Variants in IPMK observed in about 807,000 individuals in gnomAD.
IPMK encodes inositol 1,3,4,6-tetrakisphosphate 5-kinase.
IPMK carries 17 observed loss-of-function variants against 45.8 expected under a neutral mutation model. The observed-to-expected ratio is 0.37, with a 90% CI of 0.25 to 0.56. IPMK has a LOEUF of 0.56. Ranked by LOEUF, IPMK falls within the 20% of genes least tolerant of loss-of-function variation. The pLI is 0.79. For synonymous variants in IPMK, 180 were observed against 184.3 expected (o/e 0.98, Z 0.19); for missense variants, 399 against 498.0 (o/e 0.80, Z 1.89).
intron 4 of IPMK, among the ~76,000 whole-genome samples, chr10:58,206,697 G>T (rs1185600229): frequency 2.0e-5 from 3 of 152,118 alleles, no homozygotes; most frequent in African/African-American, 7.2e-5. Context: ...AAGTTCTTCA[G>T]TGGTGATTTC....
intron 5 of IPMK, among the ~76,000 whole-genome samples, chr10:58,197,727 T>C (rs1837930426): frequency 6.8e-6 from 1 of 148,058 alleles, no homozygotes; most frequent in Admixed American, 6.8e-5. Context: ...TCTTGAGCAA[T>C]TTTACAGTAA....
chr10:58,203,123 T>C (rs1472827070), intron 4 of IPMK, among the ~76,000 whole-genome samples: 3 of 151,476 alleles, frequency 2.0e-5, no homozygotes, highest in Non-Finnish European at 4.4e-5. Context: ...TTAACAGGAG[T>C]TTGGAAGAAG....
chr10:58,263,660 G>A (rs1381795052), intron 1 of IPMK, among the ~76,000 whole-genome samples: 3 of 152,148 alleles, frequency 2.0e-5, no homozygotes, highest in Non-Finnish European at 4.4e-5. Context: ...CTCCAGCCTA[G>A]GTGACACAGC....
intron 1 of IPMK, among the ~76,000 whole-genome samples, chr10:58,238,076 T>C (rs1838640839): frequency 6.6e-6 from 1 of 152,192 alleles, no homozygotes; most frequent in Non-Finnish European, 1.5e-5. Flanking sequence ...TTATAATACA[T>C]AAAACATATG....
intron 1 of IPMK, among the ~76,000 whole-genome samples, chr10:58,245,892 T>G (rs570166547): frequency 7.6e-6 from 1 of 131,494 alleles, no homozygotes; most frequent in Non-Finnish European, 1.5e-5. Flanking sequence ...CATGATTGTA[T>G]ATTTAGAAAA....
chr10:58,232,729 G>A (rs1285373408), intron 2 of IPMK, among the ~76,000 whole-genome samples: 1 of 152,122 alleles, frequency 6.6e-6, no homozygotes, highest in East Asian at 1.9e-4. Flanking sequence ...GAGAAAGCAG[G>A]AAAGATCTAA....
At chr10:58,211,901 C>CAAAAAAAAAAAAAAAAAA (rs753050298) in intron 4 of IPMK, among the ~76,000 whole-genome samples, 78 of 50,356 alleles carry the variant, frequency 1.5e-3, no homozygotes, top group African/African-American at 5.3e-3. Context: ...GACATCTCAC[C>CAAAAAAAAAAAAAAAAAA]AAAAAAAAAA....
At position 58,192,460 on chromosome 10, in the gene IPMK, TAG is replaced by T. The variant is rs996663600; in HGVS notation, c.*3614_*3615del. 3.3e-5 allele frequency: 5 copies of T among 152,036 alleles called. No individual in the cohort carries two copies. Among genetic ancestry groups the T allele is most frequent in the Non-Finnish European group, 7.4e-5 (5 of 67,918 alleles). The allele number at this position is 152,036 out of a possible 1,614,324, so 9.4% of individuals were successfully genotyped here. On this transcript the variant is annotated 3_prime_UTR_variant, in exon 6 of 6. Coordinates refer to ENST00000373935, the MANE Select transcript of IPMK (RefSeq NM_152230.5). ...TCTGTAACTAATACCCAAACTTAAA[TAG>T]AGGTTACAATACTGTAAAATATTAC...
chr10:58,205,436 A>G (rs1357430640), intron 4 of IPMK, among the ~76,000 whole-genome samples: 3 of 152,158 alleles, frequency 2.0e-5, no homozygotes, highest in African/African-American at 7.2e-5. Context: ...ATCATTAGAG[A>G]AAGGCAAATC....
intron 4 of IPMK, among the ~76,000 whole-genome samples, chr10:58,207,154 C>G (rs966085742): frequency 2.6e-5 from 4 of 152,174 alleles, no homozygotes; most frequent in Non-Finnish European, 4.4e-5. Context: ...AGGCACCCAC[C>G]ACCAAGCCTG....
rs181930991 is a variant in IPMK, at chr10:58,262,568, G to T, written c.190+4854C>A. On this transcript the variant is annotated intron_variant, in intron 1 of 5. Coordinates refer to ENST00000373935, the MANE Select transcript of IPMK (RefSeq NM_152230.5). ...GACAATACCTAGTAACACAGATCTT[G>T]GTTTCTAAATACCATTTTCCACTAA... is the stretch of plus-strand genomic sequence containing the variant. 4.6e-5 allele frequency among the ~76,000 whole-genome samples: 7 copies of T among 152,240 alleles called. No homozygotes were observed. In the East Asian group the frequency reaches 9.6e-4, roughly 21 times the overall value.
chr10:58,223,646 T>C (rs1346822263), intron 3 of IPMK, among the ~76,000 whole-genome samples: 9 of 152,194 alleles, frequency 5.9e-5, no homozygotes, highest in African/African-American at 2.4e-5. Context: ...TGCTCGATTA[T>C]GAAGCCAACT....
chr10:58,253,734 CA>C (rs1183304261), intron 1 of IPMK, among the ~76,000 whole-genome samples: 96 of 49,834 alleles, frequency 1.9e-3, no homozygotes, highest in East Asian at 0.017. Context: ...ACTCCATCTC[CA>C]AAAAAAAAAA....
chr10:58,218,097 A>G (rs568750185), intron 3 of IPMK, among the ~76,000 whole-genome samples: 1 of 152,372 alleles, frequency 6.6e-6, no homozygotes, highest in South Asian at 2.1e-4. Context: ...GAGCAGGGTT[A>G]TAACTCTGTA....
At chr10:58,210,907 T>C (rs187892118) in intron 4 of IPMK, among the ~76,000 whole-genome samples, 4 of 152,352 alleles carry the variant, frequency 2.6e-5, no homozygotes, top group Admixed American at 2.6e-4. Context: ...TAGTTCACAT[T>C]GTGAATCTCC....
intron 1 of IPMK, among the ~76,000 whole-genome samples, chr10:58,257,675 C>A (rs538573764): frequency 6.6e-6 from 1 of 152,012 alleles, no homozygotes; most frequent in Non-Finnish European, 1.5e-5. Context: ...AAATATCAAA[C>A]CCCTAGACAC....
In IPMK at chr10:58,192,099, T is replaced by C. The variant is rs1837826345; in HGVS notation, c.*3977A>G. The C allele has an allele frequency of 6.6e-6, 1 of 152,036 alleles. No individual in the cohort carries two copies. Among genetic ancestry groups the C allele is most frequent in the Non-Finnish European group, 1.5e-5 (1 of 67,922 alleles). 9.4% of individuals were successfully genotyped at this position (152,036 alleles called of 1,614,324 possible). On this transcript the variant is annotated 3_prime_UTR_variant, in exon 6 of 6. Transcript: ENST00000373935. Reference sequence around the variant, plus strand: ...TAGTACAGGCTATTAATATAAGTAATGAGAATTTAAGTATTAACTCAAAAA... The same window carrying C: ...TAGTACAGGCTATTAATATAAGTAACGAGAATTTAAGTATTAACTCAAAAA...
intron 2 of IPMK, among the ~76,000 whole-genome samples, chr10:58,230,831 C>T (rs949269803): frequency 9.2e-5 from 14 of 152,160 alleles, no homozygotes; most frequent in Admixed American, 2.6e-4. Context: ...ATGACTTTGA[C>T]GAGTTGATAG....
intron 1 of IPMK, among the ~76,000 whole-genome samples, chr10:58,240,078 C>T (rs1156886096): frequency 6.6e-6 from 1 of 152,014 alleles, no homozygotes; most frequent in East Asian, 1.9e-4. Context: ...TAGGAGATGA[C>T]ACACAGATGA....
Sources: allele counts gnomAD v4.1 joint callset (sites outside exome capture counted in the v4.1 genomes callset), GRCh38; gene constraint gnomAD v4.1.1; transcripts MANE v1.5; gene names NCBI Gene and HGNC (gene_info 2026-07-23, HGNC 2026-07-21).